FIG4: variants seen among roughly 807,000 people sequenced by gnomAD.
FIG4 encodes FIG4 phosphoinositide 5-phosphatase, also known as polyphosphoinositide phosphatase.
A neutral mutation model predicts 118.6 loss-of-function variants in FIG4; 112 were observed. The observed-to-expected ratio is 0.94, with a 90% CI of 0.81 to 1.11. The LOEUF (loss-of-function observed/expected upper bound fraction) is 1.11, where lower values mean the gene tolerates loss of function less well. FIG4 is among the 50% of genes least tolerant of loss of function. The pLI, the probability that FIG4 is intolerant of heterozygous loss-of-function variation, is 0.00. For missense variants in FIG4, 969 were observed against 1,111.7 expected, an observed-to-expected ratio of 0.87 and a Z score of 1.83; for synonymous variants, 369 against 381.2, an observed-to-expected ratio of 0.97 and a Z score of 0.37.
chr6:109,693,256 G>A (rs888959089), intron 1 of FIG4, among the ~76,000 whole-genome samples: 7 of 152,148 alleles, frequency 4.6e-5, no homozygotes, highest in Non-Finnish European at 7.3e-5. Context: ...GCCTTCATAT[G>A]CCTTATTCTG....
intron 1 of FIG4, among the ~76,000 whole-genome samples, chr6:109,700,114 T>C (rs4947013): frequency 0.76 from 115,782 of 152,166 alleles, 44,263 homozygotes; most frequent in African/African-American, 0.84. Flanking sequence ...TTTCAACATA[T>C]GAATTTTAAA....
chr6:109,760,343 A>G lies in FIG4; in HGVS notation c.1231A>G (p.Ile411Val), dbSNP rs959747660. ...CCAATTTTTGCCTCCTGAGCACACT[A>G]TTGTTTATATTCCCTGGGACATGGC... ...LNQFLPPEHT[I>V]VYIPWDMAKY... Residue 411 changes from isoleucine to valine, a missense_variant, in exon 11 of 23, where the codon ATT becomes GTT. By Grantham distance (29) the Ile-to-Val change is conservative (BLOSUM62 3). Around this residue, in one of 3 missense-constraint regions of FIG4, gnomAD observed 246 missense variants for 354.3 expected, o/e 0.69. Transcript: ENST00000230124. 4.3e-6 allele frequency: 7 copies of G among 1,612,854 alleles called. No homozygotes were observed. The highest frequency in any genetic ancestry group is 3.3e-5 in the Admixed American group (2 of 60,018).
At chr6:109,787,740 G>A (rs549783594) in intron 18 of FIG4, among the ~76,000 whole-genome samples, 1 of 152,278 alleles carries the variant, frequency 6.6e-6, no homozygotes, top group East Asian at 1.9e-4. Flanking sequence ...GTTCTATAAA[G>A]TCATTGCAAA....
chr6:109,783,469 T>G (rs961408290), intron 16 of FIG4, among the ~76,000 whole-genome samples: 1 of 152,208 alleles, frequency 6.6e-6, no homozygotes, highest in Admixed American at 6.5e-5. Context: ...AGTTCCCTCT[T>G]GTGTTTTTTC....
chr6:109,787,375 A>G (rs1430584522), intron 18 of FIG4, among the ~76,000 whole-genome samples: 1 of 152,146 alleles, frequency 6.6e-6, no homozygotes, highest in Non-Finnish European at 1.5e-5. Flanking sequence ...ATCACTCTAC[A>G]TTTTGCTTCA....
chr6:109,743,589 A>G, intron 9 of FIG4, 86 bp from the exon 10 acceptor site: 2 of 1,002,008 alleles, frequency 2.0e-6, no homozygotes, highest in South Asian at 1.3e-5. Flanking sequence ...GTTGAATTGC[A>G]TTTCTTTAAA....
In FIG4 at chr6:109,724,885, A is replaced by G. The variant is rs556414859; in HGVS notation, c.290-2224A>G. On this transcript the variant is annotated intron_variant, in intron 3 of 22. Coordinates refer to ENST00000230124, the MANE Select transcript of FIG4 (RefSeq NM_014845.6). ...GTAAAAAACAGAATTTACCGTCACA[A>G]TCATTTTTAAGTGCACAGTACAGCA... 3.3e-5 allele frequency among the ~76,000 whole-genome samples: 5 copies of G among 151,622 alleles called. No individual in the cohort carries two copies. The South Asian group carries it at 8.3e-4, about 25-fold the overall frequency.
intron 3 of FIG4, among the ~76,000 whole-genome samples, chr6:109,718,526 A>T (rs1326136849): frequency 6.6e-6 from 1 of 152,208 alleles, no homozygotes; most frequent in Non-Finnish European, 1.5e-5. Flanking sequence ...TGCTTTTCTA[A>T]GAATACTGTC....
In FIG4 at chr6:109,726,679, A is replaced by C. The variant is rs1258245543; in HGVS notation, c.290-430A>C. The stretch of plus-strand genomic sequence containing the variant: ...GGTAGCTTGATGAGAATAGCATTGA[A>C]TCTATAAATACTTTGGGCAGTATGG... On this transcript the variant is annotated intron_variant, in intron 3 of 22. Transcript: ENST00000230124. 2.6e-5 allele frequency among the ~76,000 whole-genome samples: 4 copies of C among 152,190 alleles called. No individual in the cohort carries two copies. The East Asian group carries it at 7.7e-4, about 29-fold the overall frequency.
chr6:109,744,505 C>G (rs1776422249), intron 10 of FIG4, among the ~76,000 whole-genome samples: 1 of 151,724 alleles, frequency 6.6e-6, no homozygotes, highest in South Asian at 2.1e-4. Flanking sequence ...ATGTTATGTG[C>G]TCTTGGTGGT....
chr6:109,780,979 G>T (rs1777785633), intron 16 of FIG4, among the ~76,000 whole-genome samples: 2 of 152,160 alleles, frequency 1.3e-5, no homozygotes, highest in African/African-American at 4.8e-5. Context: ...GATGTTTTTA[G>T]GTATTAAGCA....
chr6:109,703,639 C>T (rs1243185542), intron 1 of FIG4, among the ~76,000 whole-genome samples: 1 of 152,172 alleles, frequency 6.6e-6, no homozygotes, highest in Non-Finnish European at 1.5e-5. Flanking sequence ...CCATCTTTAT[C>T]CAGGATTCTA....
intron 22 of FIG4, among the ~76,000 whole-genome samples, chr6:109,818,472 T>C (rs1778921455): frequency 6.6e-6 from 1 of 152,192 alleles, no homozygotes; most frequent in South Asian, 2.1e-4. Flanking sequence ...AGTGCTGAGA[T>C]TACAGGCATG....
Position 109,786,366 on chromosome 6 carries a change from T to C in FIG4, c.2013T>C (p.Ile671=). The part of the protein sequence containing the change: ...VKKFHKYEEE[I]DIHNEFFRPY... ...AATTCCACAAATATGAAGAAGAGAT[T>C]GATATCCACAATGAGTTCTTTCGGC... The change falls in exon 18 of 23, where the codon ATT becomes ATC. Residue 671 remains isoleucine (I), a synonymous_variant. Transcript: ENST00000230124. 1 of 1,613,674 alleles carries C rather than the reference T, an allele frequency of 6.2e-7. No individual in the cohort carries two copies. Among genetic ancestry groups the C allele is most frequent in the Non-Finnish European group, 8.5e-7 (1 of 1,179,556 alleles).
intron 21 of FIG4, among the ~76,000 whole-genome samples, chr6:109,793,297 A>G (rs1778190756): frequency 6.6e-6 from 1 of 152,244 alleles, no homozygotes; most frequent in Admixed American, 6.5e-5. Flanking sequence ...ACCTTGCATC[A>G]CTTTAGGTCC....
At chr6:109,824,950 G>C in intron 22 of FIG4, 138 bp from the exon 23 acceptor site, 1 of 769,976 alleles carries the variant, frequency 1.3e-6, no homozygotes, top group Middle Eastern at 2.3e-4. Context: ...CAAGGACTGG[G>C]GAGGTCATCC....
chr6:109,773,537 A>G (rs976577082), intron 15 of FIG4, among the ~76,000 whole-genome samples: 2 of 152,100 alleles, frequency 1.3e-5, no homozygotes, highest in East Asian at 1.9e-4. Context: ...CTGTTCCCCA[A>G]TCCCATCTGT....
chr6:109,736,088 A>G (rs893018746), intron 6 of FIG4, among the ~76,000 whole-genome samples: 6 of 152,114 alleles, frequency 3.9e-5, no homozygotes, highest in Non-Finnish European at 8.8e-5. Flanking sequence ...AAGCATTTCA[A>G]TAGTTAAGAC....
chr6:109,708,646 T>C (rs1220404842), intron 1 of FIG4, among the ~76,000 whole-genome samples: 2 of 152,248 alleles, frequency 1.3e-5, no homozygotes, highest in African/African-American at 4.8e-5. Flanking sequence ...TTTTGACTTT[T>C]TAGTAATAGC....
Sources: gnomAD v4.1 joint callset for allele counts (sites outside exome capture counted in the v4.1 genomes callset) on GRCh38, gnomAD v4.1.1 for gene constraint, gnomAD v4.1.1 regional missense constraint, MANE v1.5 for transcripts, NCBI Gene and HGNC (gene_info 2026-07-23, HGNC 2026-07-21) for gene names.